The following SPPL2A variants were observed in gnomAD, a reference collection of about 807,000 sequenced individuals.
SPPL2A encodes signal peptide peptidase-like 2A.
A neutral mutation model predicts 63.8 loss-of-function variants in SPPL2A; 51 were observed. That is an observed-to-expected ratio of 0.80 (90% CI 0.64 to 1.01). SPPL2A has a LOEUF of 1.01. Ranked by LOEUF, SPPL2A falls within the 50% of genes least tolerant of loss-of-function variation. The pLI, the probability that SPPL2A is intolerant of heterozygous loss-of-function variation, is 0.00. For missense variants in SPPL2A, 553 were observed against 622.7 expected (o/e 0.89, Z 1.19); for synonymous variants, 188 against 205.8 (o/e 0.91, Z 0.74).
intron 1 of SPPL2A, among the ~76,000 whole-genome samples, chr15:50,761,903 GC>G (rs945484242): frequency 2.3e-4 from 35 of 151,958 alleles, no homozygotes; most frequent in Admixed American, 5.2e-4. Context: ...CTGCAATCCA[GC>G]CTAGGCTACA....
At chr15:50,710,257 C>T (rs2062545676) in intron 14 of SPPL2A, among the ~76,000 whole-genome samples, 1 of 152,090 alleles carries the variant, frequency 6.6e-6, no homozygotes, top group African/African-American at 2.4e-5. Context: ...AACATGCTTC[C>T]CTGGTGCCTC....
chr15:50,742,825 C>G (rs1337660660), intron 5 of SPPL2A: 1 of 152,142 alleles, frequency 6.6e-6, no homozygotes, highest in East Asian at 1.9e-4. Flanking sequence ...GCTCCATCAT[C>G]ATGTTTTACA....
chr15:50,723,049 A>G (rs2062659945), intron 12 of SPPL2A, among the ~76,000 whole-genome samples: 1 of 152,232 alleles, frequency 6.6e-6, no homozygotes, highest in Non-Finnish European at 1.5e-5. Flanking sequence ...GCCAACAGGT[A>G]TATGAAAAAA....
chr15:50,706,768 G>A lies in SPPL2A; in HGVS notation c.*1032C>T, dbSNP rs1293283924. The A allele has an allele frequency of 6.6e-6, 1 of 151,676 alleles. No homozygotes were observed. Among genetic ancestry groups the A allele is most frequent in the Non-Finnish European group, 1.5e-5 (1 of 67,950 alleles). 9.4% of individuals were successfully genotyped at this position (151,676 alleles called of 1,614,324 possible). A position where few individuals can be genotyped will look rare whatever the true frequency, so the allele number is the denominator to read the frequency against. ...AATTGCAAAGATCAGAAATACCAAA[G>A]TGAAACTGAATGTTAGTACTGAAAT... On this transcript the variant is annotated 3_prime_UTR_variant, in exon 15 of 15. Transcript: ENST00000261854.
intron 14 of SPPL2A, among the ~76,000 whole-genome samples, chr15:50,715,349 CA>C (rs1162429587): frequency 2.0e-5 from 3 of 152,018 alleles, no homozygotes; most frequent in African/African-American, 7.3e-5. Flanking sequence ...ACTGGGAATA[CA>C]AATGTAGCCC....
intron 7 of SPPL2A, 45 bp from the exon 8 acceptor site, chr15:50,736,247 T>C: frequency 1.8e-6 from 2 of 1,106,088 alleles, no homozygotes; most frequent in Non-Finnish European, 2.8e-6. Flanking sequence ...TGAAGTACAA[T>C]GTTCACTTGA....
chr15:50,763,909 A>G (rs2063035176), intron 1 of SPPL2A, among the ~76,000 whole-genome samples: 1 of 152,156 alleles, frequency 6.6e-6, no homozygotes, highest in Admixed American at 6.6e-5. Flanking sequence ...AAAAAAACAA[A>G]AACAACAACA....
intron 4 of SPPL2A, 58 bp downstream of exon 4, chr15:50,748,055 T>C (rs2062873219): frequency 1.4e-6 from 1 of 704,716 alleles, no homozygotes; most frequent in Non-Finnish European, 2.2e-6. Context: ...CATTAGTGAT[T>C]AAAAATAAAG....
At chr15:50,758,886 ATATC>A (rs79216272) in intron 1 of SPPL2A, among the ~76,000 whole-genome samples, 22,549 of 149,542 alleles carry the variant, frequency 0.15, 1,776 homozygotes, top group South Asian at 0.21. Flanking sequence ...TATAATAAGC[ATATC>A]TATCTATCTA....
chr15:50,722,098 T>TGTTG (rs1467555146), intron 13 of SPPL2A, 26 bp downstream of exon 13: 1 of 1,208,042 alleles, frequency 8.3e-7, no homozygotes, highest in African/African-American at 1.5e-5. Context: ...ATTCAACATT[T>TGTTG]AATACAAAGA....
rs1333698423 is a variant in SPPL2A, at chr15:50,760,219, T to C, written c.66+5249A>G. 2.6e-5 allele frequency among the ~76,000 whole-genome samples: 4 copies of C among 152,194 alleles called. No homozygotes were observed. The East Asian group carries it at 7.7e-4, about 29-fold the overall frequency. ...TATAGATAGCTACCTTCTCACTGTG[T>C]CCTCACATGGCAAAGAGAGAGAGAA... On this transcript the variant is annotated intron_variant, in intron 1 of 14. Transcript: ENST00000261854.
intron 14 of SPPL2A, among the ~76,000 whole-genome samples, chr15:50,714,631 C>CA (rs71127125): frequency 0.19 from 22,130 of 113,988 alleles, 2,282 homozygotes; most frequent in East Asian, 0.48. Context: ...AACTCCATCT[C>CA]AAAAAAAAAA....
Position 50,736,014 on chromosome 15 carries a change from A to C in SPPL2A, c.932+87T>G, listed in dbSNP as rs1382401926. On this transcript the variant is annotated intron_variant, in intron 8 of 14. Coordinates refer to ENST00000261854, the MANE Select transcript of SPPL2A (RefSeq NM_032802.4). ...TGGTGTTCTGGCATAGAAGCAAAAAAATTCCATAATAATCATAATAAGTAT... is the reference window on the plus strand; with the variant it reads ...TGGTGTTCTGGCATAGAAGCAAAAACATTCCATAATAATCATAATAAGTAT... The C allele has an allele frequency of 2.2e-5, 19 of 853,938 alleles. No homozygotes were observed. The East Asian group carries it at 4.8e-4, about 22-fold the overall frequency. The allele number at this position is 853,938 out of a possible 1,614,324, so 52.9% of individuals were successfully genotyped here.
At chr15:50,722,296 C>A in intron 12 of SPPL2A, 95 bp from the exon 13 acceptor site, 1 of 681,022 alleles carries the variant, frequency 1.5e-6, no homozygotes. Flanking sequence ...ATTGAATCTT[C>A]ATTGTTGCAT....
Position 50,706,344 on chromosome 15 carries a change from C to G in SPPL2A, c.*1456G>C, listed in dbSNP as rs897589329. The G allele has an allele frequency of 6.8e-6, 1 of 146,104 alleles. No individual in the cohort carries two copies. Among genetic ancestry groups the G allele is most frequent in the South Asian group, 2.3e-4 (1 of 4,426 alleles). The allele number at this position is 146,104 out of a possible 1,614,324, so 9.1% of individuals were successfully genotyped here. A position where few individuals can be genotyped will look rare whatever the true frequency, so the allele number is the denominator to read the frequency against. ...GGCGGAGCTTGCAGTGAGCCGAGATCCCGCCACTGCACTCCAGCCTGGGCG... is the reference window on the plus strand; with the variant it reads ...GGCGGAGCTTGCAGTGAGCCGAGATGCCGCCACTGCACTCCAGCCTGGGCG... On this transcript the variant is annotated 3_prime_UTR_variant, in exon 15 of 15. Coordinates refer to ENST00000261854, the MANE Select transcript of SPPL2A (RefSeq NM_032802.4).
Position 50,765,463 on chromosome 15 carries a change from CT to C in SPPL2A, c.66+4del. On this transcript the variant is annotated splice_donor_region_variant and intron_variant, in intron 1 of 14. Coordinates refer to ENST00000261854, the MANE Select transcript of SPPL2A (RefSeq NM_032802.4). ...GGAGGCCTGCGCGCCTTCCCGCCCC[CT>C]TACCAGCTGGAGCAGGAAGCCCCAG... 1 of 1,502,508 alleles carries C rather than the reference CT, an allele frequency of 6.7e-7. No homozygotes were observed. Among genetic ancestry groups the C allele is most frequent in the East Asian group, 2.7e-5 (1 of 36,812 alleles). The allele number at this position is 1,502,508 out of a possible 1,614,324, so 93.1% of individuals were successfully genotyped here. A position where few individuals can be genotyped will look rare whatever the true frequency, so the allele number is the denominator to read the frequency against.
At chr15:50,725,853 C>T (rs757725916) in intron 11 of SPPL2A, 38 of 231,354 alleles carry the variant, frequency 1.6e-4, no homozygotes, top group Non-Finnish European at 2.6e-4. Context: ...GAAAAAAATG[C>T]TCAACACACA....
At chr15:50,753,794 T>G (rs962380394) in intron 1 of SPPL2A, among the ~76,000 whole-genome samples, 1 of 152,080 alleles carries the variant, frequency 6.6e-6, no homozygotes, top group Non-Finnish European at 1.5e-5. Flanking sequence ...AGTTTCTTTC[T>G]CTCTTTTTTT....
chr15:50,717,360 G>A (rs1263248169), intron 14 of SPPL2A, among the ~76,000 whole-genome samples: 1 of 151,990 alleles, frequency 6.6e-6, no homozygotes, highest in Non-Finnish European at 1.5e-5. Flanking sequence ...TTTTTGTAGA[G>A]ACAGGGTCTC....
Sources: allele counts gnomAD v4.1 joint callset (sites outside exome capture counted in the v4.1 genomes callset), GRCh38; gene constraint gnomAD v4.1.1; transcripts MANE v1.5; gene names NCBI Gene and HGNC (gene_info 2026-07-23, HGNC 2026-07-21).